Variants in DAB1 observed in about 807,000 individuals in gnomAD.
The protein encoded by DAB1 is disabled homolog 1.
In DAB1, 15 loss-of-function variants were observed where a neutral mutation model predicts 64.6. The observed-to-expected ratio is 0.23, with a 90% CI of 0.16 to 0.36. The LOEUF is 0.36. Ranked by LOEUF, DAB1 falls within the 10% of genes least tolerant of loss-of-function variation. The pLI, the probability that DAB1 is intolerant of heterozygous loss-of-function variation, is 1.00. For synonymous variants in DAB1, 235 were observed against 251.9 expected, an observed-to-expected ratio of 0.93 and a Z score of 0.64; for missense variants, 596 against 706.7, an observed-to-expected ratio of 0.84 and a Z score of 1.78.
At chr1:57,652,052 A>G (rs1159837877) in intron 6 of DAB1, among the ~76,000 whole-genome samples, 1 of 152,174 alleles carries the variant, frequency 6.6e-6, no homozygotes, top group Non-Finnish European at 1.5e-5. Flanking sequence ...CTAATGAGAA[A>G]CCAGAAGGCT....
chr1:57,034,008 G>A (rs1306976395), intron 9 of DAB1, among the ~76,000 whole-genome samples: 1 of 152,062 alleles, frequency 6.6e-6, no homozygotes, highest in Non-Finnish European at 1.5e-5. Context: ...TCGGCCGGGC[G>A]CGGTGGCTCA....
chr1:58,472,963 A>G (rs891819252), intron 3 of DAB1, among the ~76,000 whole-genome samples: 1 of 152,160 alleles, frequency 6.6e-6, no homozygotes, highest in African/African-American at 2.4e-5. Flanking sequence ...TAAAGGAATA[A>G]ACCCACTGCC....
intron 1 of DAB1, among the ~76,000 whole-genome samples, chr1:57,842,346 T>A (rs905602850): frequency 2.6e-5 from 4 of 152,152 alleles, no homozygotes; most frequent in Admixed American, 1.3e-4. Flanking sequence ...AACATTCCCA[T>A]ATCTTCCTCT....
intron 2 of DAB1, among the ~76,000 whole-genome samples, chr1:57,205,676 A>C (rs1429723563): frequency 1.3e-5 from 2 of 152,196 alleles, no homozygotes; most frequent in African/African-American, 2.4e-5. Context: ...CAGAAGAGAA[A>C]ACTGATGCTC....
At chr1:58,398,407 T>G (rs764280113) in intron 3 of DAB1, among the ~76,000 whole-genome samples, 6 of 152,220 alleles carry the variant, frequency 3.9e-5, no homozygotes, top group Non-Finnish European at 8.8e-5. Flanking sequence ...CACTGTCCTC[T>G]CCACGTTAGA....
intron 1 of DAB1, among the ~76,000 whole-genome samples, chr1:57,315,642 A>G (rs1029649952): frequency 2.6e-5 from 4 of 152,118 alleles, no homozygotes; most frequent in African/African-American, 9.7e-5. Context: ...AGCTGGGACT[A>G]CAAGTGCCTG....
At chr1:57,097,437 G>A (rs779482024) in intron 4 of DAB1, among the ~76,000 whole-genome samples, 1 of 152,196 alleles carries the variant, frequency 6.6e-6, no homozygotes. Flanking sequence ...GAGCTGGAGG[G>A]TTGCATCCAA....
At chr1:58,006,498 G>A (rs1000928874) in intron 5 of DAB1, among the ~76,000 whole-genome samples, 1 of 152,150 alleles carries the variant, frequency 6.6e-6, no homozygotes, top group Non-Finnish European at 1.5e-5. Context: ...ATGAATCACT[G>A]TAGCATAGGT....
At chr1:58,420,218 C>G (rs1644759076) in intron 3 of DAB1, among the ~76,000 whole-genome samples, 1 of 152,170 alleles carries the variant, frequency 6.6e-6, no homozygotes, top group Non-Finnish European at 1.5e-5. Context: ...TCACAGCTGT[C>G]CCATCTACCT....
At chr1:57,920,958 T>C (rs2102022474) in intron 5 of DAB1, among the ~76,000 whole-genome samples, 1 of 152,250 alleles carries the variant, frequency 6.6e-6, no homozygotes, top group Middle Eastern at 3.4e-3. Flanking sequence ...ATTCTACAGA[T>C]CTACTTCCAC....
At chr1:58,385,587 A>C (rs1436436102) in intron 3 of DAB1, among the ~76,000 whole-genome samples, 1 of 152,218 alleles carries the variant, frequency 6.6e-6, no homozygotes, top group Non-Finnish European at 1.5e-5. Flanking sequence ...AGGTGGTAAC[A>C]CTAATAAATT....
At chr1:57,810,164 G>A (rs991036754) in intron 6 of DAB1, among the ~76,000 whole-genome samples, 7 of 152,074 alleles carry the variant, frequency 4.6e-5, no homozygotes, top group African/African-American at 1.7e-4. Context: ...CAGTAGCTGA[G>A]GCTGGCATTC....
chr1:58,466,954 A>G (rs1420517816), intron 3 of DAB1, among the ~76,000 whole-genome samples: 2 of 152,216 alleles, frequency 1.3e-5, no homozygotes, highest in Admixed American at 6.5e-5. Flanking sequence ...GAATGAATGA[A>G]TATGTGAATA....
At chr1:57,628,296 G>C (rs967706846) in intron 7 of DAB1, among the ~76,000 whole-genome samples, 1 of 152,198 alleles carries the variant, frequency 6.6e-6, no homozygotes, top group Non-Finnish European at 1.5e-5. Flanking sequence ...ACAAGTGTTA[G>C]CAATTAATTT....
intron 6 of DAB1, among the ~76,000 whole-genome samples, chr1:57,804,769 T>C (rs1289132983): frequency 1.3e-5 from 2 of 152,224 alleles, no homozygotes; most frequent in East Asian, 3.8e-4. Context: ...TTTGAAAATA[T>C]CCAGTGTACT....
At chr1:58,059,145 T>C (rs1407146362) in intron 5 of DAB1, among the ~76,000 whole-genome samples, 3 of 152,230 alleles carry the variant, frequency 2.0e-5, no homozygotes, top group African/African-American at 4.8e-5. Context: ...CATGGGTTGC[T>C]ATTTTAAGAT....
chr1:57,198,094 C>T (rs988043091), intron 2 of DAB1, among the ~76,000 whole-genome samples: 2 of 152,154 alleles, frequency 1.3e-5, no homozygotes, highest in African/African-American at 4.8e-5. Flanking sequence ...TAAACTCTGT[C>T]TGCCAAACCT....
chr1:58,267,648 G>T (rs1259281760), intron 4 of DAB1, among the ~76,000 whole-genome samples: 1 of 152,184 alleles, frequency 6.6e-6, no homozygotes, highest in Admixed American at 6.6e-5. Context: ...GGGAAGGATG[G>T]TTCCCCAGAG....
At chr1:57,821,222 T>C (rs1652102895), downstream of DAB1, among the ~76,000 whole-genome samples, 1 of 151,856 alleles carries the variant, frequency 6.6e-6, no homozygotes, top group African/African-American at 2.4e-5. Context: ...AATTAAGATG[T>C]GAAGTTTCAG....
Sources: gnomAD v4.1 joint callset for allele counts (sites outside exome capture counted in the v4.1 genomes callset) on GRCh38, gnomAD v4.1.1 for gene constraint, MANE v1.5 for transcripts, NCBI Gene and HGNC (gene_info 2026-07-23, HGNC 2026-07-21) for gene names.